The following LRP1B variants were observed in gnomAD, a reference collection of about 807,000 sequenced individuals.
The protein encoded by LRP1B is LDL receptor related protein 1B.
LRP1B carries 217 observed loss-of-function variants against 556.6 expected under a neutral mutation model. That is an observed-to-expected ratio of 0.39 (90% confidence interval 0.35 to 0.44). The LOEUF (loss-of-function observed/expected upper bound fraction) is 0.44, where lower values mean the gene tolerates loss of function less well. Among genes scored for constraint, LRP1B ranks in the 20% least tolerant of loss-of-function variants. The pLI, the probability that LRP1B is intolerant of heterozygous loss-of-function variation, is 1.00. For synonymous variants in LRP1B, 2,047 were observed against 1,865.8 expected, an observed-to-expected ratio of 1.10 and a Z score of -2.50; for missense variants, 5,053 against 5,620.8, an observed-to-expected ratio of 0.90 and a Z score of 3.23.
At chr2:140,960,269 T>C (rs1695996372) in intron 18 of LRP1B, among the ~76,000 whole-genome samples, 1 of 151,784 alleles carries the variant, frequency 6.6e-6, no homozygotes, top group Admixed American at 6.6e-5. Flanking sequence ...ATACCCAAAA[T>C]AGACAGCTTT....
chr2:141,112,877 A>G (rs1700790182), intron 7 of LRP1B, among the ~76,000 whole-genome samples: 1 of 152,196 alleles, frequency 6.6e-6, no homozygotes, highest in Non-Finnish European at 1.5e-5. Context: ...ATTTTTTTAA[A>G]CCTATCAGAT....
chr2:140,880,600 G>A (rs965659450), intron 25 of LRP1B, among the ~76,000 whole-genome samples: 1 of 151,350 alleles, frequency 6.6e-6, no homozygotes, highest in African/African-American at 2.4e-5. Context: ...ACTTCACATT[G>A]GCATCTGTAA....
intron 2 of LRP1B, among the ~76,000 whole-genome samples, chr2:141,670,597 A>G (rs12691618): frequency 0.32 from 49,140 of 152,092 alleles, 8,768 homozygotes; most frequent in East Asian, 0.62. Flanking sequence ...ACAATGTGAC[A>G]GGCTGGTATG....
chr2:140,995,626 GAATT>G (rs1396452918), intron 15 of LRP1B, among the ~76,000 whole-genome samples: 1 of 151,914 alleles, frequency 6.6e-6, no homozygotes, highest in East Asian at 1.9e-4. Flanking sequence ...AGTACACTGA[GAATT>G]AAAATAAAAA....
At chr2:140,609,204 A>G (rs756850372) in intron 41 of LRP1B, among the ~76,000 whole-genome samples, 9 of 152,138 alleles carry the variant, frequency 5.9e-5, no homozygotes, top group Non-Finnish European at 8.8e-5. Flanking sequence ...GTGAGACCCT[A>G]TATGTACAGC....
At chr2:140,318,272 C>T (rs943074879) in intron 82 of LRP1B, among the ~76,000 whole-genome samples, 7 of 152,008 alleles carry the variant, frequency 4.6e-5, no homozygotes, top group African/African-American at 1.4e-4. Context: ...TTTTTCAAGA[C>T]CTATATGTGT....
chr2:141,482,143 G>C (rs940920707), intron 2 of LRP1B, among the ~76,000 whole-genome samples: 2 of 151,940 alleles, frequency 1.3e-5, no homozygotes, highest in South Asian at 2.1e-4. Context: ...ACAAATAAAA[G>C]AAAACAAAAA....
intron 41 of LRP1B, chr2:140,683,737 C>T (rs2105383091): frequency 3.3e-6 from 3 of 903,536 alleles, no homozygotes; most frequent in Non-Finnish European, 3.6e-6. Context: ...CCGGGCTAGT[C>T]GATCCATAGC....
chr2:140,989,526 C>G lies in LRP1B; in HGVS notation c.2770+6G>C. 6.2e-7 allele frequency: 1 copy of G among 1,612,618 alleles called. No individual in the cohort carries two copies. ...GATTTACGTGTATATCCAAGCAAAC[C>G]TTTACCTGTGCAAGTTTGATTGGAT... On this transcript the variant is annotated splice_donor_region_variant and intron_variant, in intron 17 of 90. Transcript: ENST00000389484.
Position 141,712,960 on chromosome 2 carries a change from G to A in LRP1B, c.205+97319C>T, listed in dbSNP as rs1045894654. On this transcript the variant is annotated intron_variant, in intron 2 of 90. Coordinates refer to ENST00000389484, the MANE Select transcript of LRP1B (RefSeq NM_018557.3). ...CCCAAAGATCTGGGATTACAGGTGT[G>A]AGCCACGACGTCCAGCCAATTATTA... 2.6e-5 allele frequency among the ~76,000 whole-genome samples: 4 copies of A among 150,990 alleles called. No homozygotes were observed. The East Asian group carries it at 5.9e-4, about 22-fold the overall frequency.
chr2:140,571,236 C>A (rs543383688), intron 43 of LRP1B, among the ~76,000 whole-genome samples: 1 of 151,708 alleles, frequency 6.6e-6, no homozygotes, highest in Admixed American at 6.6e-5. Flanking sequence ...TGTGCATAGA[C>A]AACATGATCT....
intron 3 of LRP1B, among the ~76,000 whole-genome samples, chr2:141,285,990 C>T (rs1406417125): frequency 3.6e-5 from 5 of 138,884 alleles, no homozygotes; most frequent in East Asian, 4.4e-4. Flanking sequence ...TGGCGTGAAC[C>T]CGGGAGGCGG....
intron 2 of LRP1B, among the ~76,000 whole-genome samples, chr2:141,534,038 A>G (rs1369781809): frequency 7.6e-6 from 1 of 131,230 alleles, no homozygotes; most frequent in African/African-American, 2.5e-5. Flanking sequence ...AGAGAGAAGG[A>G]AAAAGAGAAA....
intron 35 of LRP1B, among the ~76,000 whole-genome samples, chr2:140,748,591 G>GTATA (rs70988428): frequency 0.047 from 3,409 of 73,000 alleles, 91 homozygotes; most frequent in Non-Finnish European, 0.054. Context: ...TATACAGTGT[G>GTATA]TATATATATA....
At chr2:140,546,805 T>C (rs1680357952) in intron 43 of LRP1B, among the ~76,000 whole-genome samples, 1 of 152,210 alleles carries the variant, frequency 6.6e-6, no homozygotes, top group Admixed American at 6.6e-5. Context: ...GGATTTGTCA[T>C]AGATGGTTCT....
intron 2 of LRP1B, among the ~76,000 whole-genome samples, chr2:141,755,449 C>A (rs181115298): frequency 6.6e-6 from 1 of 151,902 alleles, no homozygotes; most frequent in East Asian, 1.9e-4. Flanking sequence ...CAAATTAATA[C>A]AACCATATGT....
chr2:141,564,851 A>G (rs1686276509), intron 2 of LRP1B, among the ~76,000 whole-genome samples: 1 of 152,072 alleles, frequency 6.6e-6, no homozygotes, highest in Admixed American at 6.6e-5. Flanking sequence ...GTAACTAAGA[A>G]CAGTGCATTA....
chr2:140,358,938 G>T lies in LRP1B; in HGVS notation c.11140C>A (p.Leu3714Ile). 3 of 1,606,652 alleles carry T rather than the reference G, an allele frequency of 1.9e-6. No individual in the cohort carries two copies. Among genetic ancestry groups the T allele is most frequent in the Non-Finnish European group, 2.6e-6 (3 of 1,175,076 alleles). Reference sequence around the variant, plus strand: ...CTGTGAGGTCTCGTGGATGGACAAAGAAATTTGACTGAAGAAAAAGAAGAA... The same window carrying T: ...CTGTGAGGTCTCGTGGATGGACAAATAAATTTGACTGAAGAAAAAGAAGAA... ...DEAPDMCVKF[L>I]CPSTRPHRCR... Residue 3714 changes from leucine (L) to isoleucine (I), a missense_variant, in exon 73 of 91, where the codon CTT (leucine) becomes ATT (isoleucine). By Grantham distance (5) the Leu-to-Ile change is conservative (BLOSUM62 2). Transcript: ENST00000389484.
At chr2:141,785,661 G>C (rs1695407589) in intron 2 of LRP1B, among the ~76,000 whole-genome samples, 1 of 150,712 alleles carries the variant, frequency 6.6e-6, no homozygotes, top group Non-Finnish European at 1.5e-5. Flanking sequence ...TTCACATCTA[G>C]TGTGCTTATG....
Sources: gnomAD v4.1 joint callset for allele counts (sites outside exome capture counted in the v4.1 genomes callset) on GRCh38, gnomAD v4.1.1 for gene constraint, MANE v1.5 for transcripts, NCBI Gene and HGNC (gene_info 2026-07-23, HGNC 2026-07-21) for gene names.